The following PVALB variants were observed in gnomAD, a reference collection of about 807,000 sequenced individuals.
The protein encoded by PVALB is parvalbumin.
A neutral mutation model predicts 10.9 loss-of-function variants in PVALB; 11 were observed. That is an observed-to-expected ratio of 1.01 (90% CI 0.63 to 1.67). The LOEUF is 1.67. PVALB is among the 40% of genes most tolerant of loss of function. The probability of loss-of-function intolerance (pLI) is 0.00; values close to 1 mark genes in which losing one functional copy is unlikely to be tolerated. For synonymous variants in PVALB, 57 were observed against 50.7 expected, an observed-to-expected ratio of 1.12 and a Z score of -0.53; for missense variants, 131 against 136.2, an observed-to-expected ratio of 0.96 and a Z score of 0.19.
intron 3 of PVALB, among the ~76,000 whole-genome samples, chr22:36,807,167 A>G (rs1407966181): frequency 6.6e-6 from 1 of 152,218 alleles, no homozygotes; most frequent in Non-Finnish European, 1.5e-5. Flanking sequence ...GTCTCAGCTC[A>G]GCTTAGGGGA....
At chr22:36,809,611 A>G (rs891361578) in intron 3 of PVALB, among the ~76,000 whole-genome samples, 12 of 152,186 alleles carry the variant, frequency 7.9e-5, no homozygotes, top group African/African-American at 2.9e-4. Flanking sequence ...AATGGGAATC[A>G]TAATAGTATA....
chr22:36,801,662 T>C (rs1222052019), intron 3 of PVALB, among the ~76,000 whole-genome samples: 1 of 152,122 alleles, frequency 6.6e-6, no homozygotes, highest in Non-Finnish European at 1.5e-5. Context: ...TAGCTGGGTG[T>C]GGTGGCGGAC....
At chr22:36,814,164 AG>A (rs1939093409) in intron 2 of PVALB, among the ~76,000 whole-genome samples, 1 of 151,648 alleles carries the variant, frequency 6.6e-6, no homozygotes, top group Admixed American at 6.6e-5. Flanking sequence ...GCCGTGGAGG[AG>A]GGCACTCAGA....
chr22:36,802,341 T>A (rs1030539513), intron 3 of PVALB, among the ~76,000 whole-genome samples: 5 of 151,070 alleles, frequency 3.3e-5, no homozygotes, highest in African/African-American at 9.8e-5. Flanking sequence ...GGTGGCTCGC[T>A]CCTGTAATCC....
intron 3 of PVALB, chr22:36,811,617 T>C (rs376261730): frequency 3.3e-5 from 15 of 453,534 alleles, no homozygotes; most frequent in African/African-American, 2.8e-4. Context: ...GGCTGGTTTC[T>C]CTTCATCAGG....
intron 2 of PVALB, among the ~76,000 whole-genome samples, chr22:36,814,268 A>AGTGTGT (rs36215449): frequency 1.2e-3 from 176 of 148,038 alleles, no homozygotes; most frequent in African/African-American, 4.0e-3. Context: ...AGCCTCTGTG[A>AGTGTGT]GTGTGTGTGT....
intron 2 of PVALB, among the ~76,000 whole-genome samples, chr22:36,814,469 T>G (rs1684228348): frequency 6.6e-6 from 1 of 151,308 alleles, no homozygotes; most frequent in Non-Finnish European, 1.5e-5. Context: ...TTGACAAAAC[T>G]CAAGGCTTTC....
chr22:36,815,376 G>A (rs1939122897), intron 1 of PVALB, 141 bp from the exon 2 acceptor site: 4 of 1,165,540 alleles, frequency 3.4e-6, no homozygotes, highest in Non-Finnish European at 3.7e-6. Context: ...TCCATTGGAG[G>A]GCTGAGGGAG....
At position 36,815,114 on chromosome 22, in the gene PVALB, C is replaced by T; in HGVS notation, c.183G>A (p.Glu61=). 1.2e-6 allele frequency: 2 copies of T among 1,614,134 alleles called. No homozygotes were observed. Among genetic ancestry groups the T allele is most frequent in the Non-Finnish European group, 1.7e-6 (2 of 1,179,994 alleles). ...AGGCCTCCGCTTACCCCAGCTCATC[C>T]TCCTCGATGAAGCCACTTTTGTCCT... is the stretch of plus-strand genomic sequence containing the variant. ...LDKDKSGFIE[E]DELGFILKGF... is the part of the protein sequence containing the mutation. The change falls in exon 2 of 4, where the codon GAG becomes GAA. Residue 61 remains glutamate, a synonymous_variant. Coordinates refer to ENST00000417718, the MANE Select transcript of PVALB (RefSeq NM_001315532.2).
chr22:36,819,366 C>T (rs1018883609), upstream of PVALB: 1 of 152,346 alleles, frequency 6.6e-6, no homozygotes, highest in African/African-American at 2.4e-5. Flanking sequence ...AGATGTAGCT[C>T]TCCCTTCCAG....
chr22:36,803,847 A>C (rs1938910696), intron 3 of PVALB, among the ~76,000 whole-genome samples: 1 of 152,160 alleles, frequency 6.6e-6, no homozygotes, highest in Non-Finnish European at 1.5e-5. Context: ...GGAGGCTGGG[A>C]AGGTGAGGTG....
chr22:36,815,578 T>G (rs1939125897), intron 1 of PVALB, among the ~76,000 whole-genome samples: 1 of 151,850 alleles, frequency 6.6e-6, no homozygotes, highest in African/African-American at 2.4e-5. Context: ...CCAGGAAGAC[T>G]TTTGAGTGCC....
At chr22:36,803,376 T>G (rs1938898745) in intron 3 of PVALB, among the ~76,000 whole-genome samples, 1 of 152,186 alleles carries the variant, frequency 6.6e-6, no homozygotes, top group African/African-American at 2.4e-5. Context: ...TGCACTTATT[T>G]TTGTCAGTCT....
chr22:36,816,989 A>C lies in PVALB; in HGVS notation c.17T>G (p.Leu6Trp), dbSNP rs754389502. 1 of 1,609,666 alleles carries C rather than the reference A, an allele frequency of 6.2e-7. No individual in the cohort carries two copies. Among genetic ancestry groups the C allele is most frequent in the Non-Finnish European group, 8.5e-7 (1 of 1,178,692 alleles). MSMTD[L>W]LNAEDIKKAV... ...CTTCTTGATGTCCTCAGCGTTCAGC[A>C]AGTCTGTCATCGACATCCTGCAACT... The change falls in exon 1 of 4, where the codon TTG becomes TGG. Residue 6 changes from leucine (L) to tryptophan (W), a missense_variant. Transcript: ENST00000417718.
Position 36,815,311 on chromosome 22 carries a change from G to T in PVALB, c.62-76C>A. 1.9e-6 allele frequency: 3 copies of T among 1,569,350 alleles called. No individual in the cohort carries two copies. The South Asian group carries it at 3.4e-5, about 18-fold the overall frequency. On this transcript the variant is annotated intron_variant, in intron 1 of 3. Coordinates refer to ENST00000417718, the MANE Select transcript of PVALB (RefSeq NM_001315532.2). ...AGCCTGGGAGAATGGGGGGCATCAA[G>T]GCATTTGTTGATGGATTCCCACATG... is the stretch of plus-strand genomic sequence containing the variant.
chr22:36,818,946 G>A (rs185056699), upstream of PVALB, among the ~76,000 whole-genome samples: 1 of 152,256 alleles, frequency 6.6e-6, no homozygotes, highest in East Asian at 1.9e-4. Context: ...CTGTGGCAAA[G>A]GCTGCAGCCT....
chr22:36,817,022 C>T lies in PVALB; in HGVS notation c.-17G>A, dbSNP rs781676278. 5.0e-6 allele frequency: 8 copies of T among 1,605,824 alleles called. No individual in the cohort carries two copies. Among genetic ancestry groups the T allele is most frequent in the East Asian group, 4.5e-5 (2 of 44,322 alleles). On this transcript the variant is annotated 5_prime_UTR_variant, in exon 1 of 4. Transcript: ENST00000417718. ...CATCGACATCCTGCAACTGTTTGAG[C>T]GGGCAGAGCAAGTGCGAAAAGATTA...
At chr22:36,817,977 T>G (rs950848537), upstream of PVALB, among the ~76,000 whole-genome samples, 2 of 152,080 alleles carry the variant, frequency 1.3e-5, no homozygotes, top group African/African-American at 2.4e-5. Context: ...TGTAGGGGTC[T>G]GAACTTCACC....
upstream of PVALB, chr22:36,817,147 A>T: frequency 1.4e-6 from 1 of 690,968 alleles, no homozygotes; most frequent in Non-Finnish European, 2.2e-6. Context: ...AGGGGCCCGG[A>T]CTCTGAGCGC....
Sources: gnomAD v4.1 joint callset for allele counts (sites outside exome capture counted in the v4.1 genomes callset) on GRCh38, gnomAD v4.1.1 for gene constraint, MANE v1.5 for transcripts, NCBI Gene and HGNC (gene_info 2026-07-23, HGNC 2026-07-21) for gene names.